The following HDAC9 variants were observed in gnomAD, a reference collection of about 807,000 sequenced individuals.
HDAC9 encodes MEF-2 interacting transcription repressor (MITR) protein.
A neutral mutation model predicts 139.4 loss-of-function variants in HDAC9; 41 were observed. That is an observed-to-expected ratio of 0.29 (90% confidence interval 0.23 to 0.38). The LOEUF (loss-of-function observed/expected upper bound fraction) is 0.38. Ranked by LOEUF, HDAC9 falls within the 10% of genes least tolerant of loss-of-function variation. The pLI is 1.00. For missense variants in HDAC9, 1,147 were observed against 1,297.0 expected (o/e 0.88, Z 1.78); for synonymous variants, 517 against 476.2 (o/e 1.09, Z -1.12).
At chr7:18,317,728 C>T (rs535868589) in intron 1 of HDAC9, among the ~76,000 whole-genome samples, 11 of 152,204 alleles carry the variant, frequency 7.2e-5, no homozygotes, top group African/African-American at 2.2e-4. Flanking sequence ...GGAATTGTTT[C>T]GGGGGATGGG....
intron 12 of HDAC9, among the ~76,000 whole-genome samples, chr7:18,686,932 G>T (rs960701814): frequency 1.3e-5 from 2 of 151,652 alleles, no homozygotes; most frequent in Admixed American, 1.3e-4. Flanking sequence ...ACATGGTCCC[G>T]CCTGGCTCCA....
At chr7:18,416,338 C>T (rs1421401150) in intron 1 of HDAC9, among the ~76,000 whole-genome samples, 1 of 151,908 alleles carries the variant, frequency 6.6e-6, no homozygotes, top group Non-Finnish European at 1.5e-5. Flanking sequence ...AATTTTACAT[C>T]TATGTTCATG....
intron 1 of HDAC9, among the ~76,000 whole-genome samples, chr7:18,417,164 T>C (rs991868883): frequency 6.6e-6 from 1 of 152,224 alleles, no homozygotes. Context: ...TTTCCATTGC[T>C]ATGCCTTCAC....
At chr7:18,606,822 A>G (rs953841924) in intron 6 of HDAC9, among the ~76,000 whole-genome samples, 5 of 152,158 alleles carry the variant, frequency 3.3e-5, no homozygotes, top group Admixed American at 1.3e-4. Context: ...TCATTTTTTA[A>G]ACTAACATAT....
intron 2 of HDAC9, among the ~76,000 whole-genome samples, chr7:18,201,764 A>G (rs958177000): frequency 1.3e-5 from 2 of 152,332 alleles, no homozygotes; most frequent in Admixed American, 1.3e-4. Context: ...GTATTCTGAA[A>G]CCAATATTAG....
chr7:18,728,126 G>C (rs985585603), intron 13 of HDAC9, among the ~76,000 whole-genome samples: 1 of 152,096 alleles, frequency 6.6e-6, no homozygotes, highest in African/African-American at 2.4e-5. Flanking sequence ...TGACTCCAAA[G>C]AGTACCCTTT....
intron 1 of HDAC9, among the ~76,000 whole-genome samples, chr7:18,470,764 G>C (rs1342900659): frequency 6.6e-6 from 1 of 152,076 alleles, no homozygotes; most frequent in Non-Finnish European, 1.5e-5. Flanking sequence ...CCCCACCCCT[G>C]ACTTGGAGGA....
intron 2 of HDAC9, among the ~76,000 whole-genome samples, chr7:18,174,901 A>G (rs1421143079): frequency 1.3e-5 from 2 of 152,216 alleles, no homozygotes; most frequent in Non-Finnish European, 2.9e-5. Flanking sequence ...CAGTTAGGCT[A>G]CATGGCGGCC....
chr7:18,836,063 A>G, intron 21 of HDAC9, 66 bp downstream of exon 21: 1 of 817,832 alleles, frequency 1.2e-6, no homozygotes, highest in Non-Finnish European at 2.0e-6. Flanking sequence ...ATAACACCAA[A>G]TATGGAAGAG....
chr7:18,532,821 G>GT (rs59616224), intron 2 of HDAC9, among the ~76,000 whole-genome samples: 560 of 148,140 alleles, frequency 3.8e-3, no homozygotes, highest in Non-Finnish European at 6.0e-3. Flanking sequence ...GCTTTCTTCT[G>GT]TTTTTTTTTT....
In HDAC9 at chr7:18,596,767, G is replaced by A. The variant is rs188023293; in HGVS notation, c.664+2738G>A. 3.4e-4 allele frequency among the ~76,000 whole-genome samples: 51 copies of A among 152,166 alleles called. 1 individual carries two copies. The East Asian group carries it at 9.9e-3, about 29-fold the overall frequency. ...TTGGATTTCATTGAACTCAATCTTA[G>A]AGTTAAAAGAAGTTGTTAAATGAGT... On this transcript the variant is annotated intron_variant, in intron 6 of 25. Transcript: ENST00000686413.
rs564085044 is a variant in HDAC9 at position 18,845,751 on chromosome 7, C to A, written c.2684+9754C>A. Reference sequence around the variant, plus strand: ...CACAAAGAGCAACAACGACAACAAGCAAAACCCTTGATTTTTATTTTCCTT... The same window carrying A: ...CACAAAGAGCAACAACGACAACAAGAAAAACCCTTGATTTTTATTTTCCTT... On this transcript the variant is annotated intron_variant, in intron 21 of 25. Coordinates refer to ENST00000686413, the MANE Select transcript of HDAC9 (RefSeq NM_178425.4). Among the ~76,000 whole-genome samples, 5 of 152,146 alleles carry A rather than the reference C, an allele frequency of 3.3e-5. No individual in the cohort carries two copies. In the South Asian group the frequency reaches 1.0e-3, roughly 32 times the overall value.
chr7:18,835,434 C>T (rs1430122585), intron 19 of HDAC9, 33 bp from the exon 20 acceptor site: 1 of 1,597,264 alleles, frequency 6.3e-7, no homozygotes, highest in Non-Finnish European at 8.5e-7. Flanking sequence ...TTAGACATGA[C>T]TGTATTTGTC....
At chr7:18,726,473 A>G (rs1295689478) in intron 12 of HDAC9, among the ~76,000 whole-genome samples, 1 of 152,228 alleles carries the variant, frequency 6.6e-6, no homozygotes, top group African/African-American at 2.4e-5. Context: ...ACACACATTT[A>G]TAAAATTACT....
intron 12 of HDAC9, among the ~76,000 whole-genome samples, chr7:18,693,597 G>T (rs1782824943): frequency 6.6e-6 from 1 of 152,086 alleles, no homozygotes; most frequent in South Asian, 2.1e-4. Flanking sequence ...TCCAGTAGGG[G>T]TTGCTCATAG....
intron 1 of HDAC9, among the ~76,000 whole-genome samples, chr7:18,372,875 A>G (rs1304861770): frequency 1.3e-5 from 2 of 152,236 alleles, no homozygotes; most frequent in Non-Finnish European, 2.9e-5. Context: ...GGTATTAACC[A>G]TATAACAGAT....
intron 9 of HDAC9, among the ~76,000 whole-genome samples, chr7:18,645,271 A>T (rs775037765): frequency 2.0e-5 from 3 of 152,148 alleles, no homozygotes; most frequent in Admixed American, 2.0e-4. Flanking sequence ...TTTGTGAATG[A>T]GTTTATTTTG....
At chr7:18,156,732 A>G (rs1008563859) in intron 1 of HDAC9, among the ~76,000 whole-genome samples, 1 of 152,196 alleles carries the variant, frequency 6.6e-6, no homozygotes, top group Non-Finnish European at 1.5e-5. Flanking sequence ...TGATGTTATT[A>G]TGGGTATGGT....
At chr7:18,768,537 A>C (rs1314518281) in intron 16 of HDAC9, among the ~76,000 whole-genome samples, 2 of 152,212 alleles carry the variant, frequency 1.3e-5, no homozygotes, top group East Asian at 3.9e-4. Context: ...AGCTTGCAAA[A>C]TCATTCTGGA....
Sources: gnomAD v4.1 joint callset for allele counts (sites outside exome capture counted in the v4.1 genomes callset) on GRCh38, gnomAD v4.1.1 for gene constraint, MANE v1.5 for transcripts, NCBI Gene and HGNC (gene_info 2026-07-23, HGNC 2026-07-21) for gene names.